The following SPATA31H1 variants were observed in gnomAD, a reference collection of about 807,000 sequenced individuals.
SPATA31H1 encodes SPATA31 subfamily H member 1.
the SPATA31H1 span, chr2:27,568,438 C>T: frequency 1.3e-5 from 5 of 398,886 alleles, no homozygotes; most frequent in African/African-American, 8.2e-5. Flanking sequence ...GAAATGATCT[C>T]AGCACCATTA....
the SPATA31H1 span, chr2:27,572,694 G>A: frequency 5.0e-6 from 2 of 398,172 alleles, no homozygotes; most frequent in Non-Finnish European, 8.9e-6. Context: ...ACCAGGACCT[G>A]AGTTCCAAGG....
At chr2:27,548,138 T>C in the SPATA31H1 span, among the ~76,000 whole-genome samples, 1 of 151,640 alleles carries the variant, frequency 6.6e-6, no homozygotes, top group Non-Finnish European at 1.5e-5. Context: ...CCTGCCACTG[T>C]GCCTGGCTAA....
the SPATA31H1 span, among the ~76,000 whole-genome samples, chr2:27,542,494 A>G: frequency 6.6e-6 from 1 of 152,032 alleles, no homozygotes; most frequent in African/African-American, 2.4e-5. Context: ...ATTGGATAGG[A>G]CAGATATAGA....
chr2:27,582,071 C>T, the SPATA31H1 span: 18 of 1,613,832 alleles, frequency 1.1e-5, no homozygotes, highest in Non-Finnish European at 1.5e-5. Flanking sequence ...CTCACAGGTC[C>T]TTTGAGAGGA....
the SPATA31H1 span, among the ~76,000 whole-genome samples, chr2:27,558,887 C>G: frequency 4.1e-5 from 3 of 72,700 alleles, no homozygotes; most frequent in Non-Finnish European, 7.3e-5. Context: ...AGAGGGAGAC[C>G]GTGGAGGGAG....
chr2:27,569,498 G>T, the SPATA31H1 span: 1 of 398,888 alleles, frequency 2.5e-6, no homozygotes, highest in African/African-American at 2.1e-5. Flanking sequence ...TGAAATCTAT[G>T]GAGTTAACCA....
At chr2:27,564,984 C>T in the SPATA31H1 span, among the ~76,000 whole-genome samples, 1 of 152,038 alleles carries the variant, frequency 6.6e-6, no homozygotes, top group East Asian at 1.9e-4. Context: ...CACTACTTAG[C>T]AAAAGTGCAC....
At chr2:27,569,155 A>G in the SPATA31H1 span, 1 of 399,000 alleles carries the variant, frequency 2.5e-6, no homozygotes, top group Non-Finnish European at 4.4e-6. Flanking sequence ...GCAATGGGGG[A>G]AACTCCAGTA....
the SPATA31H1 span, among the ~76,000 whole-genome samples, chr2:27,557,950 GC>G: frequency 2.1e-4 from 1 of 4,706 alleles, no homozygotes; most frequent in Non-Finnish European, 6.5e-4. Context: ...GGGGCGGCTG[GC>G]CAGGCAGAGG....
the SPATA31H1 span, chr2:27,575,894 A>G: frequency 1.0e-5 from 4 of 398,586 alleles, no homozygotes; most frequent in Non-Finnish European, 1.8e-5. The surrounding 1 kb of genome is among the most constrained non-coding windows in gnomAD (Gnocchi z 4.1). Flanking sequence ...AATTAACTCC[A>G]GTTTCAAAAC....
the SPATA31H1 span, among the ~76,000 whole-genome samples, chr2:27,554,041 A>G: frequency 6.6e-6 from 1 of 152,122 alleles, no homozygotes; most frequent in Non-Finnish European, 1.5e-5. Flanking sequence ...CCACTTTATA[A>G]GGACCACCAT....
At chr2:27,582,621 G>A in the SPATA31H1 span, 2 of 1,285,270 alleles carry the variant, frequency 1.6e-6, no homozygotes, top group Non-Finnish European at 2.2e-6. Flanking sequence ...TCCAATTCCT[G>A]CGCCCCCAGC....
At chr2:27,541,671 T>C in the SPATA31H1 span, among the ~76,000 whole-genome samples, 1 of 152,022 alleles carries the variant, frequency 6.6e-6, no homozygotes, top group Non-Finnish European at 1.5e-5. Context: ...TGAACCATTG[T>C]GTTGGAAGTG....
At chr2:27,559,640 A>G in the SPATA31H1 span, among the ~76,000 whole-genome samples, 1 of 151,506 alleles carries the variant, frequency 6.6e-6, no homozygotes, top group East Asian at 1.9e-4. Flanking sequence ...GAAGTTATGA[A>G]CTCTGTTTCT....
At chr2:27,570,158 T>C in the SPATA31H1 span, 1 of 398,768 alleles carries the variant, frequency 2.5e-6, no homozygotes, top group Non-Finnish European at 4.4e-6. Flanking sequence ...GTTTCAAACA[T>C]ATGCAGTTGA....
chr2:27,571,420 A>C, the SPATA31H1 span: 1 of 398,512 alleles, frequency 2.5e-6, no homozygotes, highest in African/African-American at 2.1e-5. Context: ...GAAGATGTCA[A>C]ATCTGTGGAA....
the SPATA31H1 span, chr2:27,571,088 A>G: frequency 3.3e-5 from 13 of 398,546 alleles, no homozygotes; most frequent in African/African-American, 2.7e-4. Context: ...CACAGCTAGA[A>G]GATATGACAT....
chr2:27,580,420 C>CTT, the SPATA31H1 span: 2 of 1,614,074 alleles, frequency 1.2e-6, no homozygotes, highest in South Asian at 2.2e-5. Context: ...ACCAAAAAGA[C>CTT]CTCTGATTCA....
the SPATA31H1 span, chr2:27,578,398 G>A: frequency 1.2e-6 from 2 of 1,614,120 alleles, no homozygotes; most frequent in African/African-American, 1.3e-5. Context: ...TTAGCACCAG[G>A]ACCAATTCCT....
Sources: gnomAD v4.1 joint callset for allele counts (sites outside exome capture counted in the v4.1 genomes callset) on GRCh38, gnomAD v4.1.1 for gene constraint, Gnocchi (gnomAD v3.1) non-coding constraint, MANE v1.5 for transcripts, NCBI Gene and HGNC (gene_info 2026-07-23, HGNC 2026-07-21) for gene names.